Variants in SPATS2 observed in about 807,000 individuals in gnomAD.
SPATS2 encodes the protein spermatogenesis-associated serine-rich protein 2.
A neutral mutation model predicts 63.7 loss-of-function variants in SPATS2; 38 were observed. The ratio of observed to expected loss-of-function variants is 0.60; its 90% CI spans 0.46 to 0.78. The LOEUF (loss-of-function observed/expected upper bound fraction) is 0.78. Ranked by LOEUF, SPATS2 falls within the 30% of genes least tolerant of loss-of-function variation. The probability of loss-of-function intolerance (pLI) is 0.00; values close to 1 mark genes in which losing one functional copy is unlikely to be tolerated. For synonymous variants in SPATS2, 207 were observed against 232.9 expected, an observed-to-expected ratio of 0.89 and a Z score of 1.01; for missense variants, 588 against 666.2, an observed-to-expected ratio of 0.88 and a Z score of 1.29.
intron 9 of SPATS2, among the ~76,000 whole-genome samples, chr12:49,500,727 T>G (rs1946552033): frequency 1.3e-5 from 2 of 151,668 alleles, no homozygotes; most frequent in South Asian, 2.1e-4. Flanking sequence ...AGCCAAGATC[T>G]CGCCACTGCA....
At chr12:49,457,362 C>T (rs1390137392) in intron 2 of SPATS2, among the ~76,000 whole-genome samples, 1 of 151,908 alleles carries the variant, frequency 6.6e-6, no homozygotes, top group Non-Finnish European at 1.5e-5. Flanking sequence ...TGATATGTTT[C>T]TAAACTTCTT....
rs939458540 is a variant in SPATS2, at chr12:49,415,056, T to C, written c.-244+43766T>C. On this transcript the variant is annotated intron_variant, in intron 2 of 13. Coordinates refer to ENST00000552918, the MANE Select transcript of SPATS2 (RefSeq NM_023071.4). ...CCGCATTCAAGTGATTCTCCTGCCT[T>C]AGCCTCCCGAGTAGAGGCACGTGCC... 1.2e-3 allele frequency among the ~76,000 whole-genome samples: 185 copies of C among 151,648 alleles called. 1 individual carries two copies. The highest frequency in any genetic ancestry group is 0.012 in the Admixed American group (185 of 15,212).
intron 2 of SPATS2, among the ~76,000 whole-genome samples, chr12:49,406,284 C>CT (rs775907945): frequency 0.092 from 13,134 of 142,384 alleles, 625 homozygotes; most frequent in African/African-American, 0.12. Flanking sequence ...TTTTTGTAAA[C>CT]TTTTTTTTTT....
chr12:49,429,772 CTCT>C (rs1216615374), intron 2 of SPATS2, among the ~76,000 whole-genome samples: 18 of 137,126 alleles, frequency 1.3e-4, no homozygotes, highest in East Asian at 6.5e-4. Context: ...TTAGGTCTTT[CTCT>C]TCTTCTTCTT....
At chr12:49,489,790 G>A (rs548342807) in intron 5 of SPATS2, among the ~76,000 whole-genome samples, 16 of 152,228 alleles carry the variant, frequency 1.1e-4, no homozygotes, top group Middle Eastern at 6.8e-3. Context: ...ATTGTTTCAC[G>A]CTAAATGTTC....
chr12:49,502,617 T>C (rs766853958), intron 9 of SPATS2, among the ~76,000 whole-genome samples: 7 of 152,066 alleles, frequency 4.6e-5, no homozygotes, highest in Non-Finnish European at 7.4e-5. Flanking sequence ...CCACCACACC[T>C]GGCTAATTTT....
chr12:49,480,127 G>T (rs1946181430), intron 3 of SPATS2, among the ~76,000 whole-genome samples: 2 of 152,212 alleles, frequency 1.3e-5, no homozygotes. Flanking sequence ...GTTGAATTCA[G>T]ATACAAATTC....
chr12:49,440,588 C>G (rs1452451372), intron 2 of SPATS2, among the ~76,000 whole-genome samples: 1 of 151,940 alleles, frequency 6.6e-6, no homozygotes, highest in East Asian at 1.9e-4. Flanking sequence ...TCTGCCTCAG[C>G]CTCCCGAGTA....
In SPATS2 at chr12:49,475,590, G is replaced by A. The variant is rs138029283; in HGVS notation, c.26-9000G>A. ...CGAGTAGCTGGGATTACAGGTGCAC[G>A]TCACCACACCTGGCTAGTTTTTAAA... is the stretch of plus-strand genomic sequence containing the variant. On this transcript the variant is annotated intron_variant, in intron 3 of 13. Coordinates refer to ENST00000552918, the MANE Select transcript of SPATS2 (RefSeq NM_023071.4). Among the ~76,000 whole-genome samples the A allele has an allele frequency of 4.9e-4, 74 of 152,164 alleles. No homozygotes were observed. In the South Asian group the frequency reaches 0.012, roughly 25 times the overall value.
intron 2 of SPATS2, among the ~76,000 whole-genome samples, chr12:49,382,922 C>T (rs942948588): frequency 6.6e-6 from 1 of 151,708 alleles, no homozygotes; most frequent in Non-Finnish European, 1.5e-5. Context: ...CCAGGCTGGT[C>T]ACGAACTCCT....
At chr12:49,414,041 A>G (rs934381965) in intron 2 of SPATS2, among the ~76,000 whole-genome samples, 2 of 152,168 alleles carry the variant, frequency 1.3e-5, no homozygotes, top group Non-Finnish European at 1.5e-5. Flanking sequence ...TTTCCATAAA[A>G]TGTACTGTGT....
At chr12:49,517,849 G>A (rs1043220269) in intron 10 of SPATS2, among the ~76,000 whole-genome samples, 5 of 152,060 alleles carry the variant, frequency 3.3e-5, no homozygotes, top group Non-Finnish European at 2.9e-5. Flanking sequence ...AATTATGTTG[G>A]TACCCAACAA....
rs1434485864 is a variant in SPATS2, at chr12:49,514,671, TCCCAA to T, written c.898+62_898+66del. ...CCTTCATAAATAGTAGGTACCTACT[TCCCAA>T]CCCTTATAACAAAAGTTCCATATAA... On this transcript the variant is annotated intron_variant, in intron 10 of 13. Transcript: ENST00000552918. The T allele has an allele frequency of 3.4e-6, 5 of 1,476,094 alleles. No individual in the cohort carries two copies. In the Admixed American group the frequency reaches 9.1e-5, roughly 27 times the overall value. The allele number at this position is 1,476,094 out of a possible 1,614,324, so 91.4% of individuals were successfully genotyped here. A position where few individuals can be genotyped will look rare whatever the true frequency, so the allele number is the denominator to read the frequency against.
chr12:49,460,370 C>T (rs1466635394), intron 2 of SPATS2, among the ~76,000 whole-genome samples: 3 of 152,170 alleles, frequency 2.0e-5, no homozygotes, highest in Non-Finnish European at 4.4e-5. Flanking sequence ...AGGAGAATCA[C>T]TTGAACCCGG....
At chr12:49,489,678 A>G in intron 5 of SPATS2, 105 bp downstream of exon 5, 6 of 878,752 alleles carry the variant, frequency 6.8e-6, no homozygotes, top group Non-Finnish European at 1.0e-5. Context: ...ATGATAGAGC[A>G]GACCCCATGA....
At chr12:49,436,701 C>T (rs1227501902) in intron 2 of SPATS2, among the ~76,000 whole-genome samples, 22 of 136,256 alleles carry the variant, frequency 1.6e-4, no homozygotes, top group Admixed American at 2.9e-4. Context: ...GCGCCCCTCA[C>T]CTCCCGGATG....
intron 2 of SPATS2, among the ~76,000 whole-genome samples, chr12:49,422,618 AG>A (rs777285988): frequency 3.4e-4 from 52 of 152,318 alleles, no homozygotes; most frequent in Non-Finnish European, 6.9e-4. Flanking sequence ...AATAAAGATT[AG>A]GGTTGGCATG....
chr12:49,500,608 T>C (rs1946549273), intron 9 of SPATS2, among the ~76,000 whole-genome samples: 2 of 151,976 alleles, frequency 1.3e-5, no homozygotes, highest in Admixed American at 1.3e-4. Flanking sequence ...CCGTCTCTAC[T>C]AAAAATACAA....
chr12:49,462,124 T>G, intron 3 of SPATS2: 1 of 574,614 alleles, frequency 1.7e-6, no homozygotes, highest in East Asian at 2.9e-5. Flanking sequence ...AGCAAATTAC[T>G]TTGACCTTTT....
Sources: allele counts gnomAD v4.1 joint callset (sites outside exome capture counted in the v4.1 genomes callset), GRCh38; gene constraint gnomAD v4.1.1; transcripts MANE v1.5; gene names NCBI Gene and HGNC (gene_info 2026-07-23, HGNC 2026-07-21).